The following PARP8 variants were observed in gnomAD, a reference collection of about 807,000 sequenced individuals.
PARP8 encodes the protein protein mono-ADP-ribosyltransferase PARP8.
A neutral mutation model predicts 124.1 loss-of-function variants in PARP8; 51 were observed. That is an observed-to-expected ratio of 0.41 (90% CI 0.33 to 0.52). The LOEUF is 0.52. Among genes scored for constraint, PARP8 ranks in the 20% least tolerant of loss-of-function variants. PARP8 has a pLI of 0.21. For missense variants in PARP8, 860 were observed against 1,018.9 expected, an observed-to-expected ratio of 0.84 and a Z score of 2.12; for synonymous variants, 391 against 361.5, an observed-to-expected ratio of 1.08 and a Z score of -0.93.
intron 2 of PARP8, among the ~76,000 whole-genome samples, chr5:50,713,763 C>T (rs1268689934): frequency 1.3e-5 from 2 of 151,890 alleles, no homozygotes; most frequent in African/African-American, 4.8e-5. Context: ...TCACATGGAT[C>T]CTTAGAAGAG....
intron 2 of PARP8, among the ~76,000 whole-genome samples, chr5:50,732,264 A>G (rs77276972): frequency 0.027 from 4,064 of 152,328 alleles, 68 homozygotes; most frequent in South Asian, 0.051. Context: ...TGGAATTAGA[A>G]TCTGGAAAAA....
chr5:50,717,483 G>A (rs1476851841), intron 2 of PARP8, among the ~76,000 whole-genome samples: 1 of 152,026 alleles, frequency 6.6e-6, no homozygotes, highest in Non-Finnish European at 1.5e-5. Context: ...TAGATTTCTA[G>A]TCTGGAGTTC....
intron 2 of PARP8, among the ~76,000 whole-genome samples, chr5:50,684,184 TG>T (rs1751601248): frequency 2.6e-5 from 4 of 152,310 alleles, no homozygotes; most frequent in African/African-American, 9.6e-5. Flanking sequence ...TCATATTGTA[TG>T]TCTGATTCTC....
intron 2 of PARP8, among the ~76,000 whole-genome samples, chr5:50,682,167 G>A (rs1198134111): frequency 6.6e-6 from 1 of 152,084 alleles, no homozygotes; most frequent in Non-Finnish European, 1.5e-5. Flanking sequence ...TTTGCTGTTT[G>A]ATCAAAGCTG....
At chr5:50,769,715 A>C (rs1227607896) in intron 7 of PARP8, among the ~76,000 whole-genome samples, 1 of 151,722 alleles carries the variant, frequency 6.6e-6, no homozygotes, top group African/African-American at 2.4e-5. Flanking sequence ...AAAACAGCTG[A>C]TGATAGAAGA....
intron 2 of PARP8, among the ~76,000 whole-genome samples, chr5:50,701,483 T>C (rs1580007021): frequency 2.0e-5 from 3 of 152,264 alleles, no homozygotes; most frequent in East Asian, 3.9e-4. Context: ...CTCTTTATAA[T>C]TATTTATTTG....
intron 2 of PARP8, among the ~76,000 whole-genome samples, chr5:50,714,592 G>A (rs1370332808): frequency 6.6e-6 from 1 of 152,020 alleles, no homozygotes; most frequent in African/African-American, 2.4e-5. Context: ...ATACAAATAG[G>A]CATTATTTCC....
chr5:50,838,832 G>T (rs1052440699), intron 25 of PARP8, among the ~76,000 whole-genome samples: 1 of 151,838 alleles, frequency 6.6e-6, no homozygotes, highest in Non-Finnish European at 1.5e-5. Flanking sequence ...CAATCCAAAT[G>T]ATTTGGCCTT....
intron 21 of PARP8, among the ~76,000 whole-genome samples, chr5:50,829,164 G>A (rs182391066): frequency 1.0e-3 from 156 of 152,240 alleles, no homozygotes; most frequent in Non-Finnish European, 1.9e-3. Flanking sequence ...GGTGTTAGCA[G>A]GATATCATGG....
chr5:50,794,069 A>G (rs1311593674), intron 10 of PARP8, 138 bp from the exon 11 acceptor site: 6 of 900,216 alleles, frequency 6.7e-6, no homozygotes, highest in East Asian at 3.1e-5. Flanking sequence ...AAAATCTTGT[A>G]TGATTCTAAA....
At chr5:50,744,805 T>A (rs1165915210) in intron 2 of PARP8, 2 of 693,814 alleles carry the variant, frequency 2.9e-6, no homozygotes, top group African/African-American at 3.5e-5. Context: ...ATTCAGAACT[T>A]GCTCTAGATT....
At chr5:50,768,294 C>T (rs1392915391) in intron 7 of PARP8, among the ~76,000 whole-genome samples, 1 of 151,898 alleles carries the variant, frequency 6.6e-6, no homozygotes, top group Non-Finnish European at 1.5e-5. Context: ...GCTAAGAATT[C>T]TAACACAGTG....
intron 17 of PARP8, among the ~76,000 whole-genome samples, chr5:50,823,706 T>A (rs1746026184): frequency 6.6e-6 from 1 of 152,250 alleles, no homozygotes; most frequent in Non-Finnish European, 1.5e-5. Flanking sequence ...TAAAAATAGC[T>A]ACAAACTCTG....
chr5:50,747,214 G>T (rs1289586148), intron 2 of PARP8, among the ~76,000 whole-genome samples: 1 of 130,600 alleles, frequency 7.7e-6, no homozygotes, highest in Non-Finnish European at 1.6e-5. Context: ...GTACTGAGCA[G>T]CATGCCAGGG....
chr5:50,778,232 T>C, intron 8 of PARP8, 103 bp downstream of exon 8: 4 of 867,566 alleles, frequency 4.6e-6, no homozygotes, highest in Non-Finnish European at 7.1e-6. Flanking sequence ...ATACTATTAG[T>C]TACATATTGA....
In PARP8 at chr5:50,816,584, A is replaced by T. The variant is rs1388646713; in HGVS notation, c.1668+1060A>T. On this transcript the variant is annotated intron_variant, in intron 15 of 25. Transcript: ENST00000281631. ...CACCTGATGAAATATTTAGGGCAGT[A>T]TTTTTCATATAATTGAAGTATAAAT... Among the ~76,000 whole-genome samples, 18 of 152,270 alleles carry T rather than the reference A, an allele frequency of 1.2e-4. No individual in the cohort carries two copies. In the East Asian group the frequency reaches 3.5e-3, roughly 29 times the overall value.
chr5:50,774,452 G>A (rs1347688545), intron 7 of PARP8, among the ~76,000 whole-genome samples: 2 of 152,026 alleles, frequency 1.3e-5, no homozygotes, highest in East Asian at 3.9e-4. Flanking sequence ...CAGCCAAGGC[G>A]GCCGGGCAGA....
intron 24 of PARP8, among the ~76,000 whole-genome samples, chr5:50,834,344 C>T (rs1349455635): frequency 6.6e-6 from 1 of 152,144 alleles, no homozygotes; most frequent in Non-Finnish European, 1.5e-5. Flanking sequence ...AATGTGCTAC[C>T]TTCCTCTTAA....
At chr5:50,675,010 T>A (rs1477188998) in intron 2 of PARP8, among the ~76,000 whole-genome samples, 1 of 152,228 alleles carries the variant, frequency 6.6e-6, no homozygotes, top group Non-Finnish European at 1.5e-5. Context: ...ATGACAAAAG[T>A]CTTGAATGTT....
Sources: allele counts gnomAD v4.1 joint callset (sites outside exome capture counted in the v4.1 genomes callset), GRCh38; gene constraint gnomAD v4.1.1; transcripts MANE v1.5; gene names NCBI Gene and HGNC (gene_info 2026-07-23, HGNC 2026-07-21).